Variants in USH2A observed in about 807,000 individuals in gnomAD.
USH2A encodes the protein usherin.
USH2A carries 443 observed loss-of-function variants against 538.9 expected under a neutral mutation model. That is an observed-to-expected ratio of 0.82 (90% CI 0.76 to 0.89). The LOEUF (loss-of-function observed/expected upper bound fraction) is 0.89. USH2A is among the 40% of genes least tolerant of loss of function. The pLI is 0.00. For missense variants in USH2A, 6,633 were observed against 6,324.8 expected, an observed-to-expected ratio of 1.05 and a Z score of -1.65; for synonymous variants, 2,413 against 2,273.5, an observed-to-expected ratio of 1.06 and a Z score of -1.75.
chr1:215,775,709 G>A (rs1186976014), intron 55 of USH2A, among the ~76,000 whole-genome samples: 1 of 152,166 alleles, frequency 6.6e-6, no homozygotes, highest in East Asian at 1.9e-4. Context: ...GTTAAAGTAT[G>A]TTTTCTCTTT....
chr1:216,358,930 G>A (rs1235077416), intron 4 of USH2A, among the ~76,000 whole-genome samples: 1 of 152,074 alleles, frequency 6.6e-6, no homozygotes, highest in Non-Finnish European at 1.5e-5. Context: ...TAACCCTGCA[G>A]TGCATAGGGG....
intron 61 of USH2A, among the ~76,000 whole-genome samples, chr1:215,709,233 C>T (rs1409794885): frequency 6.6e-6 from 1 of 152,124 alleles, no homozygotes; most frequent in Non-Finnish European, 1.5e-5. Flanking sequence ...AGTAGTTGCT[C>T]ATAATAAAAT....
intron 61 of USH2A, 149 bp downstream of exon 61, chr1:215,727,881 C>T (rs986283317): frequency 3.3e-6 from 3 of 909,584 alleles, no homozygotes; most frequent in African/African-American, 3.3e-5. Flanking sequence ...GTATCTTATC[C>T]CCGTGACTAC....
At chr1:216,001,230 G>A (rs1459085450) in intron 32 of USH2A, among the ~76,000 whole-genome samples, 1 of 152,086 alleles carries the variant, frequency 6.6e-6, no homozygotes, top group African/African-American at 2.4e-5. Context: ...AGCAGGAATG[G>A]TAATATATTC....
At chr1:216,318,047 C>A in intron 9 of USH2A, among the ~76,000 whole-genome samples, 1 of 152,216 alleles carries the variant, frequency 6.6e-6, no homozygotes, top group East Asian at 1.9e-4. Context: ...TGTGAACCTG[C>A]CCCTGAATTC....
At chr1:215,813,147 GT>G (rs1209871517) in intron 49 of USH2A, among the ~76,000 whole-genome samples, 6 of 152,168 alleles carry the variant, frequency 3.9e-5, no homozygotes, top group Non-Finnish European at 8.8e-5. Context: ...ACTAGGCATT[GT>G]TTTATGTAGT....
At chr1:216,300,389 A>G (rs1184131778) in intron 9 of USH2A, among the ~76,000 whole-genome samples, 1 of 152,186 alleles carries the variant, frequency 6.6e-6, no homozygotes, top group African/African-American at 2.4e-5. Context: ...AAATTATGAG[A>G]TTAGACAATG....
chr1:215,810,469 T>G (rs1427961205), intron 49 of USH2A, among the ~76,000 whole-genome samples: 1 of 152,114 alleles, frequency 6.6e-6, no homozygotes, highest in South Asian at 2.1e-4. Context: ...TTTTCATTAG[T>G]TTTAAGGGAC....
Position 216,321,844 on chromosome 1 carries a change from A to T in USH2A, c.1644+39T>A, listed in dbSNP as rs2037616106. On this transcript the variant is annotated intron_variant, in intron 9 of 71. Transcript: ENST00000307340. ...AGAATTTATAGTCACCATCTCTACT[A>T]TTTTTTTTTTAGATTTCCATGCATA... The T allele has an allele frequency of 2.9e-6, 4 of 1,400,474 alleles. No homozygotes were observed. The South Asian group carries it at 4.9e-5, about 17-fold the overall frequency. 86.8% of individuals were successfully genotyped at this position (1,400,474 alleles called of 1,614,324 possible).
rs1290702459 is a variant in USH2A at position 215,725,365 on chromosome 1, T to C, written c.12066+2665A>G. 2.6e-5 allele frequency among the ~76,000 whole-genome samples: 4 copies of C among 152,188 alleles called. No homozygotes were observed. The East Asian group carries it at 5.8e-4, about 22-fold the overall frequency. ...ATCTCCTACACAGGGACTGTGGGAA[T>C]AAGTGAAACACAAAAACACTAGTTC... is the stretch of plus-strand genomic sequence containing the variant. On this transcript the variant is annotated intron_variant, in intron 61 of 71. Transcript: ENST00000307340.
intron 61 of USH2A, among the ~76,000 whole-genome samples, chr1:215,723,102 A>G (rs1256982311): frequency 6.6e-6 from 1 of 152,146 alleles, no homozygotes; most frequent in African/African-American, 2.4e-5. Flanking sequence ...AGGCCTTCTA[A>G]TTAAAGCTGT....
At chr1:215,847,685 C>T (rs1360417460) in intron 44 of USH2A, among the ~76,000 whole-genome samples, 1 of 151,658 alleles carries the variant, frequency 6.6e-6, no homozygotes, top group Non-Finnish European at 1.5e-5. Flanking sequence ...CAGCATTAGT[C>T]CAAGGATTGG....
chr1:215,960,953 A>G (rs6540923), intron 37 of USH2A, among the ~76,000 whole-genome samples: 28,720 of 151,908 alleles, frequency 0.19, 3,006 homozygotes, highest in African/African-American at 0.28. Context: ...TAGCTTTTTT[A>G]TTTGTAAATT....
intron 21 of USH2A, among the ~76,000 whole-genome samples, chr1:216,101,316 C>T (rs771175852): frequency 3.2e-4 from 49 of 152,128 alleles, no homozygotes; most frequent in Non-Finnish European, 6.0e-4. Context: ...ACATTACTGA[C>T]TCTACCGTGA....
intron 55 of USH2A, among the ~76,000 whole-genome samples, chr1:215,771,334 A>G (rs756171076): frequency 1.2e-3 from 177 of 151,726 alleles, no homozygotes; most frequent in Admixed American, 3.5e-3. Context: ...TAATCCCAGC[A>G]CTTTGGGAGG....
At position 216,202,313 on chromosome 1, in the gene USH2A, A is replaced by G. The variant is rs868111747; in HGVS notation, c.3317-2192T>C. Among the ~76,000 whole-genome samples, 81 of 152,226 alleles carry G rather than the reference A, an allele frequency of 5.3e-4. 1 individual carries two copies. Among genetic ancestry groups the G allele is most frequent in the African/African-American group, 2.0e-3 (81 of 41,444 alleles). On this transcript the variant is annotated intron_variant, in intron 16 of 71. Transcript: ENST00000307340. The stretch of plus-strand genomic sequence containing the variant: ...ATATAATCCTAATAGATCAGAATGT[A>G]TTATACAAGAGCAGTCTACTTAATA...
At chr1:216,129,411 T>C (rs1405843956) in intron 21 of USH2A, among the ~76,000 whole-genome samples, 1 of 152,060 alleles carries the variant, frequency 6.6e-6, no homozygotes, top group African/African-American at 2.4e-5. Flanking sequence ...CATTTCTGTA[T>C]GCTAACAGCA....
In USH2A at chr1:215,625,046, A is replaced by ACTT. The variant is rs1205393878; in HGVS notation, c.*732_*734dup. ...CAAGTAGAGGTGTTCCTAGTGAAAC[A>ACTT]CTTTGTTTTCTCCTCAAAATGTATA... is the stretch of plus-strand genomic sequence containing the variant. On this transcript the variant is annotated 3_prime_UTR_variant, in exon 72 of 72. Coordinates refer to ENST00000307340, the MANE Select transcript of USH2A (RefSeq NM_206933.4). The ACTT allele has an allele frequency of 1.3e-5, 2 of 152,216 alleles. No individual in the cohort carries two copies. Among genetic ancestry groups the ACTT allele is most frequent in the East Asian group, 3.9e-4 (2 of 5,194 alleles). 9.4% of individuals were successfully genotyped at this position (152,216 alleles called of 1,614,324 possible). A position where few individuals can be genotyped will look rare whatever the true frequency, so the allele number is the denominator to read the frequency against.
chr1:215,650,640 G>C lies in USH2A; in HGVS notation c.14295C>G (p.Val4765=), dbSNP rs1030455258. Residue 4765 remains valine (V), a synonymous_variant, in exon 65 of 72, where the codon GTC becomes GTG. Coordinates refer to ENST00000307340, the MANE Select transcript of USH2A (RefSeq NM_206933.4). ...ISAPGKPNGI[V]SLYRLFSSSA... is the part of the protein sequence containing the mutation. ...TGCTGGAGAACAGCCTGTAGAGACT[G>C]ACGATCCCGTTGGGCTTCCCAGGGG... The C allele has an allele frequency of 3.1e-6, 5 of 1,614,074 alleles. No individual in the cohort carries two copies. Among genetic ancestry groups the C allele is most frequent in the Non-Finnish European group, 4.2e-6 (5 of 1,180,050 alleles).
Sources: gnomAD v4.1 joint callset for allele counts (sites outside exome capture counted in the v4.1 genomes callset) on GRCh38, gnomAD v4.1.1 for gene constraint, MANE v1.5 for transcripts, NCBI Gene and HGNC (gene_info 2026-07-23, HGNC 2026-07-21) for gene names.